The following RBFOX1 variants were observed in gnomAD, a reference collection of about 807,000 sequenced individuals.
The protein encoded by RBFOX1 is RNA binding protein fox-1 homolog 1.
A neutral mutation model predicts 57.7 loss-of-function variants in RBFOX1; 8 were observed. That is an observed-to-expected ratio of 0.14 (90% CI 0.08 to 0.25). The LOEUF (loss-of-function observed/expected upper bound fraction) is 0.25. Among genes scored for constraint, RBFOX1 ranks in the 10% least tolerant of loss-of-function variants. The pLI is 1.00. For synonymous variants in RBFOX1, 326 were observed against 222.4 expected (o/e 1.47, Z -4.15); for missense variants, 611 against 548.5 (o/e 1.11, Z -1.14).
chr16:5,974,734 C>T (rs1175766268), intron 4 of RBFOX1, among the ~76,000 whole-genome samples: 1 of 152,106 alleles, frequency 6.6e-6, no homozygotes, highest in Non-Finnish European at 1.5e-5. Context: ...CCAAGCCAGG[C>T]GCAGTGGCTC....
chr16:7,420,974 T>C (rs1434107492), intron 4 of RBFOX1, among the ~76,000 whole-genome samples: 1 of 145,506 alleles, frequency 6.9e-6, no homozygotes, highest in Non-Finnish European at 1.5e-5. Context: ...TATATATATA[T>C]GTAGTCCTGC....
intron 4 of RBFOX1, among the ~76,000 whole-genome samples, chr16:7,102,218 T>A (rs2062819240): frequency 6.6e-6 from 1 of 152,182 alleles, no homozygotes; most frequent in Admixed American, 6.5e-5. Flanking sequence ...CTGAGGAAAT[T>A]CGGGCTGGAG....
chr16:7,318,463 A>C (rs1395001370), intron 4 of RBFOX1, among the ~76,000 whole-genome samples: 4 of 152,162 alleles, frequency 2.6e-5, no homozygotes, highest in African/African-American at 9.7e-5. Flanking sequence ...ATTTGGTTCA[A>C]GTCTACCACT....
At chr16:7,264,772 C>G (rs1304963823) in intron 4 of RBFOX1, among the ~76,000 whole-genome samples, 1 of 152,118 alleles carries the variant, frequency 6.6e-6, no homozygotes, top group Non-Finnish European at 1.5e-5. Context: ...TAGTGGGGCA[C>G]ATTTGGCCCT....
intron 1 of RBFOX1, among the ~76,000 whole-genome samples, chr16:5,362,505 G>A (rs983603895): frequency 1.6e-4 from 25 of 152,248 alleles, no homozygotes; most frequent in African/African-American, 5.5e-4. Context: ...TGGGATTACA[G>A]GCATGCGCCA....
intron 4 of RBFOX1, among the ~76,000 whole-genome samples, chr16:7,439,712 A>T (rs1240193391): frequency 6.6e-6 from 1 of 152,164 alleles, no homozygotes; most frequent in Non-Finnish European, 1.5e-5. Context: ...TTGTGACTGT[A>T]TCTGCATTGC....
chr16:7,516,505 C>T (rs1307450459), intron 4 of RBFOX1, among the ~76,000 whole-genome samples: 1 of 152,204 alleles, frequency 6.6e-6, no homozygotes, highest in Non-Finnish European at 1.5e-5. Context: ...AGCAGTATCA[C>T]TGCATGTCTT....
At chr16:5,251,626 A>C (rs1340448986) in intron 1 of RBFOX1, among the ~76,000 whole-genome samples, 1 of 152,164 alleles carries the variant, frequency 6.6e-6, no homozygotes, top group Non-Finnish European at 1.5e-5. Context: ...TCCAGGCAAA[A>C]CTAGCATTTG....
chr16:6,816,687 CTGA>C (rs1567379674), intron 3 of RBFOX1, among the ~76,000 whole-genome samples: 2 of 147,346 alleles, frequency 1.4e-5, no homozygotes, highest in African/African-American at 5.1e-5. Flanking sequence ...TTGCAGTGAG[CTGA>C]GACTGCACCA....
intron 1 of RBFOX1, among the ~76,000 whole-genome samples, chr16:6,023,642 G>A (rs762341956): frequency 5.9e-5 from 9 of 152,282 alleles, no homozygotes; most frequent in Admixed American, 3.9e-4. Flanking sequence ...ATCCTAGCAC[G>A]TTTGCTCTGA....
intron 4 of RBFOX1, among the ~76,000 whole-genome samples, chr16:7,208,696 G>A (rs1462835196): frequency 6.6e-6 from 1 of 152,120 alleles, no homozygotes; most frequent in Non-Finnish European, 1.5e-5. Flanking sequence ...GATTAGCTGG[G>A]CATGATGGCA....
intron 1 of RBFOX1, among the ~76,000 whole-genome samples, chr16:5,307,144 A>G (rs2063959054): frequency 6.6e-6 from 1 of 152,088 alleles, no homozygotes; most frequent in Non-Finnish European, 1.5e-5. Flanking sequence ...GGAGTTGGCT[A>G]CTCGCTTATT....
chr16:6,460,709 C>T, intron 2 of RBFOX1, among the ~76,000 whole-genome samples: 1 of 151,728 alleles, frequency 6.6e-6, no homozygotes, highest in South Asian at 2.1e-4. Flanking sequence ...AGGTTTAGAA[C>T]CAAAAATACC....
chr16:7,162,942 ATCACCTGACCTAATGACCTTGGGCCAG>A (rs2078676308), intron 4 of RBFOX1, among the ~76,000 whole-genome samples: 1 of 152,136 alleles, frequency 6.6e-6, no homozygotes, highest in Non-Finnish European at 1.5e-5. Flanking sequence ...CGTTTTGGCC[ATCACCTGACCTAATGACCTTGGGCCAG>A]TCACCTGGCA....
chr16:6,970,128 T>G (rs752693458), intron 3 of RBFOX1, among the ~76,000 whole-genome samples: 11 of 151,504 alleles, frequency 7.3e-5, no homozygotes, highest in Non-Finnish European at 1.6e-4. Flanking sequence ...AAGCGAGCTA[T>G]GATGGTGTCA....
intron 4 of RBFOX1, among the ~76,000 whole-genome samples, chr16:7,167,968 A>C (rs575313569): frequency 3.3e-5 from 5 of 152,304 alleles, no homozygotes; most frequent in African/African-American, 9.6e-5. Flanking sequence ...GTCTGTCTTT[A>C]ACAGCGCAGA....
In RBFOX1 at chr16:6,749,990, A is replaced by G. The variant is rs546263589; in HGVS notation, c.-16+95340A>G. ...GAAAAGATGGTGCTCTCAGAGTTTT[A>G]TGAATTTTTCTGTCTAGCAGTCTTG... On this transcript the variant is annotated intron_variant, in intron 3 of 15. Transcript: ENST00000550418. Among the ~76,000 whole-genome samples the G allele has an allele frequency of 7.9e-5, 12 of 152,254 alleles. No individual in the cohort carries two copies. The South Asian group carries it at 2.1e-3, about 26-fold the overall frequency.
intron 3 of RBFOX1, among the ~76,000 whole-genome samples, chr16:6,915,961 C>T (rs939003421): frequency 4.6e-5 from 7 of 152,018 alleles, no homozygotes; most frequent in Non-Finnish European, 8.8e-5. Flanking sequence ...AACCAAAGTA[C>T]AAGGCAGAAA....
At chr16:5,843,974 C>T (rs1449102544) in intron 3 of RBFOX1, among the ~76,000 whole-genome samples, 1 of 152,176 alleles carries the variant, frequency 6.6e-6, no homozygotes, top group Non-Finnish European at 1.5e-5. Flanking sequence ...GGGAGAACAT[C>T]ATCTCTTGAA....
Sources: allele counts gnomAD v4.1 joint callset (sites outside exome capture counted in the v4.1 genomes callset), GRCh38; gene constraint gnomAD v4.1.1; transcripts MANE v1.5; gene names NCBI Gene and HGNC (gene_info 2026-07-23, HGNC 2026-07-21).